The following RREB1 variants were observed in gnomAD, a reference collection of about 807,000 sequenced individuals.
RREB1 encodes ras-responsive element-binding protein 1.
In RREB1, 27 loss-of-function variants were observed where a neutral mutation model predicts 117.8. The observed-to-expected ratio is 0.23, with a 90% CI of 0.17 to 0.32. RREB1 has a LOEUF of 0.32. RREB1 is among the 10% of genes least tolerant of loss of function. The pLI is 1.00. For missense variants in RREB1, 2,577 were observed against 2,378.2 expected, an observed-to-expected ratio of 1.08 and a Z score of -1.74; for synonymous variants, 1,298 against 1,026.7, an observed-to-expected ratio of 1.26 and a Z score of -5.05.
intron 1 of RREB1, among the ~76,000 whole-genome samples, chr6:7,153,732 A>G (rs1159218966): frequency 6.6e-6 from 1 of 152,186 alleles, no homozygotes; most frequent in Non-Finnish European, 1.5e-5. Context: ...AAGTCAGGCT[A>G]AGCGAAGCTA....
intron 3 of RREB1, 73 bp from the exon 4 acceptor site, chr6:7,181,797 A>G: frequency 9.4e-7 from 1 of 1,067,252 alleles, no homozygotes; most frequent in Non-Finnish European, 1.4e-6. Context: ...TAGAGTAGCC[A>G]TGGCCAGCGC....
At chr6:7,158,488 C>G (rs1320526344) in intron 1 of RREB1, among the ~76,000 whole-genome samples, 1 of 152,196 alleles carries the variant, frequency 6.6e-6, no homozygotes, top group Non-Finnish European at 1.5e-5. Context: ...TAATGAGGCC[C>G]CTGCCCTTCA....
chr6:7,196,218 G>GTTTTTTTTTTTGT (rs1765661799), intron 6 of RREB1, among the ~76,000 whole-genome samples: 3 of 121,460 alleles, frequency 2.5e-5, no homozygotes, highest in Non-Finnish European at 5.0e-5. Flanking sequence ...TTTTTTTTTC[G>GTTTTTTTTTTTGT]TTTTTTTTTT....
chr6:7,164,047 A>G (rs897015873), intron 1 of RREB1, among the ~76,000 whole-genome samples: 1 of 152,166 alleles, frequency 6.6e-6, no homozygotes, highest in Non-Finnish European at 1.5e-5. Flanking sequence ...GAGGGGCCAC[A>G]TAGAGGCACC....
intron 1 of RREB1, among the ~76,000 whole-genome samples, chr6:7,169,155 G>A (rs1206025516): frequency 6.6e-6 from 1 of 152,200 alleles, no homozygotes; most frequent in South Asian, 2.1e-4. Flanking sequence ...TGTTGTGGAG[G>A]CCTCTTCCTA....
At chr6:7,120,714 A>G (rs961103070) in intron 1 of RREB1, among the ~76,000 whole-genome samples, 2 of 150,892 alleles carry the variant, frequency 1.3e-5, no homozygotes, top group Admixed American at 6.6e-5. Flanking sequence ...CTCTGTCAAC[A>G]GGGTGGAGTG....
At position 7,230,762 on chromosome 6, in the gene RREB1, C is replaced by T. The variant is rs1247764451; in HGVS notation, c.2663C>T (p.Pro888Leu). 3 of 1,611,270 alleles carry T rather than the reference C, an allele frequency of 1.9e-6. No individual in the cohort carries two copies. Among genetic ancestry groups the T allele is most frequent in the East Asian group, 4.5e-5 (2 of 44,842 alleles). The change falls in exon 10 of 13, where the codon CCC (proline) becomes CTC (leucine). Residue 888 changes from proline to leucine, a missense_variant. By Grantham distance (98) the Pro-to-Leu change is moderately conservative. Transcript: ENST00000379938. ...CCCCATGTCTCGATCAAGTTGGAGC[C>T]CGCCAGTAGCTTTGCGGTGGACTTC... is the stretch of plus-strand genomic sequence containing the variant. ...PPPHVSIKLE[P>L]ASSFAVDFNE...
chr6:7,180,849 G>T (rs986416202), intron 2 of RREB1, among the ~76,000 whole-genome samples: 3 of 152,124 alleles, frequency 2.0e-5, no homozygotes, highest in African/African-American at 7.2e-5. Flanking sequence ...TTGATGCATG[G>T]GTATAAATAT....
chr6:7,137,022 G>A (rs1581432946), intron 1 of RREB1, among the ~76,000 whole-genome samples: 1 of 152,362 alleles, frequency 6.6e-6, no homozygotes, highest in East Asian at 1.9e-4. Flanking sequence ...CCTTTGAGAT[G>A]TTCTTCGAGA....
intron 1 of RREB1, among the ~76,000 whole-genome samples, chr6:7,143,173 C>G (rs1423021738): frequency 6.6e-6 from 1 of 152,124 alleles, no homozygotes; most frequent in African/African-American, 2.4e-5. Context: ...TGCTGCAAAC[C>G]CGAGTGTTTT....
At chr6:7,217,301 G>GC (rs1482186516) in intron 8 of RREB1, 1 of 152,236 alleles carries the variant, frequency 6.6e-6, no homozygotes, top group Non-Finnish European at 1.5e-5. Flanking sequence ...GAGAAGGAAT[G>GC]CCAGTCTCTC....
At chr6:7,245,873 G>A (rs946653526) in intron 11 of RREB1, among the ~76,000 whole-genome samples, 1 of 152,208 alleles carries the variant, frequency 6.6e-6, no homozygotes, top group African/African-American at 2.4e-5. Flanking sequence ...CCTCCACCTG[G>A]AGATGAGCGT....
intron 1 of RREB1, among the ~76,000 whole-genome samples, chr6:7,136,704 CAAAT>C (rs1179217855): frequency 1.3e-5 from 2 of 152,118 alleles, no homozygotes; most frequent in African/African-American, 2.4e-5. Context: ...TGCAAAGTAA[CAAAT>C]AACAGCCTCT....
chr6:7,166,779 C>T (rs1367450308), intron 1 of RREB1, among the ~76,000 whole-genome samples: 1 of 152,174 alleles, frequency 6.6e-6, no homozygotes, highest in Admixed American at 6.5e-5. Context: ...AAATCACCTG[C>T]CCTGGGATTG....
chr6:7,179,404 C>T lies in RREB1; in HGVS notation c.-165-1720C>T, dbSNP rs531265845. ...CTCTGAAGTAGCTGGGAGTAGCCCTCTTTTCTAAATGTAGTAATAGGACAA... is the reference window on the plus strand; with the variant it reads ...CTCTGAAGTAGCTGGGAGTAGCCCTTTTTTCTAAATGTAGTAATAGGACAA... On this transcript the variant is annotated intron_variant, in intron 2 of 12. Transcript: ENST00000379938. Among the ~76,000 whole-genome samples, 11 of 152,188 alleles carry T rather than the reference C, an allele frequency of 7.2e-5. No individual in the cohort carries two copies. In the South Asian group the frequency reaches 2.1e-3, roughly 29 times the overall value.
At chr6:7,132,980 A>G (rs1007504415) in intron 1 of RREB1, among the ~76,000 whole-genome samples, 9 of 152,218 alleles carry the variant, frequency 5.9e-5, no homozygotes, top group Non-Finnish European at 1.2e-4. Flanking sequence ...TTGCTATACT[A>G]TCCATCAAGC....
intron 1 of RREB1, among the ~76,000 whole-genome samples, chr6:7,137,280 A>G (rs556135267): frequency 8.7e-4 from 132 of 152,292 alleles, no homozygotes; most frequent in African/African-American, 2.9e-3. Context: ...GCCCCCAGGG[A>G]AGGAGCTGCC....
intron 1 of RREB1, among the ~76,000 whole-genome samples, chr6:7,132,132 G>A (rs532701037): frequency 6.6e-6 from 1 of 152,260 alleles, no homozygotes; most frequent in East Asian, 1.9e-4. Flanking sequence ...TCGGCTCACT[G>A]CAGCCTCTGC....
intron 1 of RREB1, among the ~76,000 whole-genome samples, chr6:7,144,531 T>G (rs2113400263): frequency 6.6e-6 from 1 of 152,362 alleles, no homozygotes; most frequent in South Asian, 2.1e-4. Flanking sequence ...CACTTCTGTT[T>G]TGTTTTTCTC....
Sources: gnomAD v4.1 joint callset for allele counts (sites outside exome capture counted in the v4.1 genomes callset) on GRCh38, gnomAD v4.1.1 for gene constraint, MANE v1.5 for transcripts, NCBI Gene and HGNC (gene_info 2026-07-23, HGNC 2026-07-21) for gene names.